SLC16A7: variants seen among roughly 807,000 people sequenced by gnomAD.
SLC16A7 encodes the protein solute carrier family 16 member 7, also known as monocarboxylate transporter 2.
SLC16A7 carries 33 observed loss-of-function variants against 34.9 expected under a neutral mutation model. That is an observed-to-expected ratio of 0.94 (90% CI 0.72 to 1.26). The LOEUF is 1.26. SLC16A7 is among the 50% of genes most tolerant of loss of function. SLC16A7 has a pLI of 0.00. For synonymous variants in SLC16A7, 201 were observed against 206.6 expected (o/e 0.97, Z 0.23); for missense variants, 573 against 578.1 (o/e 0.99, Z 0.09).
intron 1 of SLC16A7, among the ~76,000 whole-genome samples, chr12:59,619,294 CAAA>C (rs1879596535): frequency 6.6e-6 from 1 of 151,952 alleles, no homozygotes; most frequent in South Asian, 2.1e-4. Context: ...ATCGTGCAAT[CAAA>C]GAATCTTGGA....
chr12:59,640,237 CAAAG>C (rs1880618618), intron 1 of SLC16A7, among the ~76,000 whole-genome samples: 1 of 151,994 alleles, frequency 6.6e-6, no homozygotes, highest in African/African-American at 2.4e-5. Context: ...TTGCTAGAAA[CAAAG>C]AAGACATTAG....
In SLC16A7 at chr12:59,784,457, C is replaced by G. The variant is rs909350317; in HGVS notation, c.*4778C>G. 2 of 152,006 alleles carry G rather than the reference C, an allele frequency of 1.3e-5. No individual in the cohort carries two copies. Among genetic ancestry groups the G allele is most frequent in the Non-Finnish European group, 2.9e-5 (2 of 67,996 alleles). The allele number at this position is 152,006 out of a possible 1,614,324, so 9.4% of individuals were successfully genotyped here. ...ATTCCATTTATAATATTATCCGTAG[C>G]TACCAAAAAAAAGATTATAAGATAC... On this transcript the variant is annotated 3_prime_UTR_variant, in exon 6 of 6. Transcript: ENST00000547379.
intron 3 of SLC16A7, among the ~76,000 whole-genome samples, chr12:59,754,592 C>A (rs891915118): frequency 1.3e-5 from 2 of 152,116 alleles, no homozygotes; most frequent in African/African-American, 4.8e-5. Context: ...CAATAACAGG[C>A]TCTGAAATTG....
chr12:59,723,852 A>G (rs1427008373), intron 3 of SLC16A7, among the ~76,000 whole-genome samples: 1 of 151,870 alleles, frequency 6.6e-6, no homozygotes, highest in Non-Finnish European at 1.5e-5. Flanking sequence ...TCCCGTTTAT[A>G]TTGCTTTTTT....
chr12:59,757,589 A>G (rs1265847830), intron 3 of SLC16A7, among the ~76,000 whole-genome samples: 2 of 152,114 alleles, frequency 1.3e-5, no homozygotes, highest in Admixed American at 1.3e-4. Flanking sequence ...TAGAGAAATG[A>G]AAGTGCAAAA....
chr12:59,700,547 A>G (rs1488929180), intron 2 of SLC16A7, among the ~76,000 whole-genome samples: 2 of 149,938 alleles, frequency 1.3e-5, no homozygotes, highest in Non-Finnish European at 3.0e-5. Flanking sequence ...TCTTTGATCT[A>G]TATATATTTT....
At chr12:59,674,245 GTTC>G (rs948230417) in intron 2 of SLC16A7, among the ~76,000 whole-genome samples, 1 of 152,064 alleles carries the variant, frequency 6.6e-6, no homozygotes, top group African/African-American at 2.4e-5. Context: ...AGAGTGTTAC[GTTC>G]TTTTTTCCTT....
intron 1 of SLC16A7, among the ~76,000 whole-genome samples, chr12:59,649,820 G>C (rs940648959): frequency 2.0e-5 from 3 of 151,926 alleles, no homozygotes; most frequent in African/African-American, 7.3e-5. Flanking sequence ...GTGGTGGCGG[G>C]CACCTGTAAT....
At chr12:59,721,244 A>G (rs936656448) in intron 3 of SLC16A7, among the ~76,000 whole-genome samples, 2 of 151,870 alleles carry the variant, frequency 1.3e-5, no homozygotes, top group Non-Finnish European at 2.9e-5. Context: ...TTCAATTCCT[A>G]CTTCATTCAG....
chr12:59,649,384 A>G (rs2137016010), intron 1 of SLC16A7, among the ~76,000 whole-genome samples: 1 of 152,320 alleles, frequency 6.6e-6, no homozygotes, highest in East Asian at 1.9e-4. Flanking sequence ...CTTGAGAGTG[A>G]GAGACAAGAG....
At chr12:59,600,607 C>T (rs937290770) in intron 1 of SLC16A7, among the ~76,000 whole-genome samples, 2 of 151,954 alleles carry the variant, frequency 1.3e-5, no homozygotes, top group East Asian at 1.9e-4. Flanking sequence ...GGACCATTGT[C>T]GAGAGGAATA....
intron 1 of SLC16A7, among the ~76,000 whole-genome samples, chr12:59,628,743 C>G (rs1010380101): frequency 6.6e-6 from 1 of 151,714 alleles, no homozygotes; most frequent in South Asian, 2.1e-4. Flanking sequence ...TTCTTAATTA[C>G]TGACTAAATA....
intron 3 of SLC16A7, among the ~76,000 whole-genome samples, chr12:59,770,961 AT>A (rs1257868268): frequency 6.6e-6 from 1 of 152,118 alleles, no homozygotes; most frequent in African/African-American, 2.4e-5. Context: ...GATTTGAATG[AT>A]TATGGTTACA....
At chr12:59,692,188 G>A (rs375799762) in intron 2 of SLC16A7, among the ~76,000 whole-genome samples, 1 of 151,768 alleles carries the variant, frequency 6.6e-6, no homozygotes, top group Admixed American at 6.6e-5. Flanking sequence ...CTCTCTCTGC[G>A]TCTTCCTTTC....
At chr12:59,772,445 T>C (rs17649791) in intron 4 of SLC16A7, among the ~76,000 whole-genome samples, 11,813 of 152,214 alleles carry the variant, frequency 0.078, 552 homozygotes, top group South Asian at 0.17. Context: ...GATGATTTTG[T>C]TATTTCCTTC....
intron 3 of SLC16A7, among the ~76,000 whole-genome samples, chr12:59,715,525 G>A (rs1592560450): frequency 6.6e-6 from 1 of 152,144 alleles, no homozygotes; most frequent in Non-Finnish European, 1.5e-5. Flanking sequence ...AGAAAATGTG[G>A]TATTATATAG....
intron 2 of SLC16A7, among the ~76,000 whole-genome samples, chr12:59,675,138 G>T (rs956605337): frequency 4.6e-5 from 7 of 152,190 alleles, no homozygotes; most frequent in Non-Finnish European, 7.3e-5. Context: ...CTTAAGACCT[G>T]ATGAGAGAGG....
rs753204108 is a variant in SLC16A7 at position 59,779,709 on chromosome 12, A to C, written c.*30A>C. On this transcript the variant is annotated 3_prime_UTR_variant, in exon 6 of 6. Transcript: ENST00000547379. Reference sequence around the variant, plus strand: ...AATCACATCTCTGATTTCAGTGTTTATGACTTTATCTAGGAGTTTGTTTTT... The same window carrying C: ...AATCACATCTCTGATTTCAGTGTTTCTGACTTTATCTAGGAGTTTGTTTTT... 1.3e-6 allele frequency: 2 copies of C among 1,561,584 alleles called. No individual in the cohort carries two copies. The highest frequency in any genetic ancestry group is 3.7e-5 in the Admixed American group (2 of 53,998).
At position 59,775,611 on chromosome 12, in the gene SLC16A7, G is replaced by T. The variant is rs1882687028; in HGVS notation, c.1180+136G>T. 4 of 651,986 alleles carry T rather than the reference G, an allele frequency of 6.1e-6. No individual in the cohort carries two copies. The South Asian group carries it at 1.0e-4, about 17-fold the overall frequency. 40.4% of individuals were successfully genotyped at this position (651,986 alleles called of 1,614,324 possible). A position where few individuals can be genotyped will look rare whatever the true frequency, so the allele number is the denominator to read the frequency against. ...AGGAATATGGGCAGGTTAATTTTAG[G>T]TTTTATTATAAACTTTAAAATTTCA... On this transcript the variant is annotated intron_variant, in intron 5 of 5. Coordinates refer to ENST00000547379, the MANE Select transcript of SLC16A7 (RefSeq NM_001270623.2).
Sources: allele counts gnomAD v4.1 joint callset (sites outside exome capture counted in the v4.1 genomes callset), GRCh38; gene constraint gnomAD v4.1.1; transcripts MANE v1.5; gene names NCBI Gene and HGNC (gene_info 2026-07-23, HGNC 2026-07-21).